Variants in MTUS2 observed in about 807,000 individuals in gnomAD.
The protein encoded by MTUS2 is microtubule-associated tumor suppressor candidate 2.
Under a neutral mutation model 114.1 loss-of-function variants are expected in MTUS2, and 40 were observed. The observed-to-expected ratio is 0.35, with a 90% CI of 0.27 to 0.46. The LOEUF (loss-of-function observed/expected upper bound fraction) is 0.46. MTUS2 is among the 20% of genes least tolerant of loss of function. MTUS2 has a pLI of 1.00. For synonymous variants in MTUS2, 688 were observed against 672.0 expected (o/e 1.02, Z -0.37); for missense variants, 1,679 against 1,705.4 (o/e 0.98, Z 0.27).
chr13:29,450,255 C>T lies in MTUS2; in HGVS notation c.3184+10206C>T, dbSNP rs116736946. 6.8e-3 allele frequency among the ~76,000 whole-genome samples: 1,032 copies of T among 152,124 alleles called. 10 individuals are homozygous for T. Among genetic ancestry groups the T allele is most frequent in the African/African-American group, 0.024 (991 of 41,502 alleles). On this transcript the variant is annotated intron_variant, in intron 9 of 15. Transcript: ENST00000612955. ...AGCTGGAGAAATGTGCTTTTTTTCT[C>T]GTTGGTGACCTTGCCCAGATATTAT...
chr13:28,904,092 C>G (rs2137973144), intron 2 of MTUS2, among the ~76,000 whole-genome samples: 1 of 152,262 alleles, frequency 6.6e-6, no homozygotes, highest in Admixed American at 6.5e-5. Flanking sequence ...CCTTCGCCCA[C>G]TTGTTGATGG....
chr13:29,144,712 A>T (rs1333950712), intron 5 of MTUS2, among the ~76,000 whole-genome samples: 1 of 152,170 alleles, frequency 6.6e-6, no homozygotes, highest in Non-Finnish European at 1.5e-5. Context: ...TAGCAAGATG[A>T]ATCTCTCACT....
chr13:29,269,787 T>C (rs1280395085), intron 5 of MTUS2, among the ~76,000 whole-genome samples: 5 of 152,208 alleles, frequency 3.3e-5, no homozygotes, highest in Non-Finnish European at 7.3e-5. Context: ...CTATTCATAA[T>C]AGTCACGATG....
intron 2 of MTUS2, among the ~76,000 whole-genome samples, chr13:28,936,317 T>C (rs1173027530): frequency 6.6e-6 from 1 of 152,210 alleles, no homozygotes; most frequent in Non-Finnish European, 1.5e-5. Flanking sequence ...CTTTTACAAT[T>C]GTAATATGGA....
At chr13:29,456,494 AG>A (rs1289611442) in intron 9 of MTUS2, among the ~76,000 whole-genome samples, 1 of 152,212 alleles carries the variant, frequency 6.6e-6, no homozygotes, top group Non-Finnish European at 1.5e-5. Context: ...AGCAACCTGA[AG>A]ACCCAAGAAG....
chr13:29,098,447 AAC>A (rs56898077), intron 4 of MTUS2, among the ~76,000 whole-genome samples: 43,596 of 151,260 alleles, frequency 0.29, 6,599 homozygotes, highest in East Asian at 0.59. Context: ...AAGTCATCTA[AAC>A]ACACACACAC....
intron 2 of MTUS2, among the ~76,000 whole-genome samples, chr13:28,884,817 T>G (rs1217442300): frequency 6.6e-6 from 1 of 152,058 alleles, no homozygotes; most frequent in African/African-American, 2.4e-5. Flanking sequence ...CATTTCAAAA[T>G]AACACAAATA....
In MTUS2 at chr13:29,123,861, C is replaced by T. The variant is rs142916770; in HGVS notation, c.2644+22891C>T. Among the ~76,000 whole-genome samples, 843 of 152,310 alleles carry T rather than the reference C, an allele frequency of 5.5e-3. 9 individuals are homozygous for T. The highest frequency in any genetic ancestry group is 0.019 in the African/African-American group (803 of 41,566). The stretch of plus-strand genomic sequence containing the variant: ...ATGGTGGTAGTGTCCCCGGGCCTCC[C>T]GCCTCATTCCCTAGGCTGCCATCCC... On this transcript the variant is annotated intron_variant, in intron 5 of 15. Transcript: ENST00000612955.
chr13:29,504,645 T>G lies in MTUS2; in HGVS notation c.*1439T>G, dbSNP rs1308282383. On this transcript the variant is annotated 3_prime_UTR_variant, in exon 16 of 16. Coordinates refer to ENST00000612955, the MANE Select transcript of MTUS2 (RefSeq NM_001033602.4). The stretch of plus-strand genomic sequence containing the variant: ...AGAATTAGGATATGAACAGTACTCA[T>G]GTAGTGGTGTGGAAGATTAGGAGCA... The G allele has an allele frequency of 4.3e-6, 1 of 232,988 alleles. No homozygotes were observed. The highest frequency in any genetic ancestry group is 8.5e-6 in the Non-Finnish European group (1 of 117,876). 14.4% of individuals were successfully genotyped at this position (232,988 alleles called of 1,614,324 possible).
At chr13:29,006,343 G>T (rs1308773635) in intron 2 of MTUS2, among the ~76,000 whole-genome samples, 1 of 152,190 alleles carries the variant, frequency 6.6e-6, no homozygotes, top group Admixed American at 6.5e-5. Flanking sequence ...AATCAACAAG[G>T]TACATAGCAA....
intron 8 of MTUS2, 60 bp downstream of exon 8, chr13:29,359,533 G>C: frequency 6.5e-7 from 1 of 1,529,704 alleles, no homozygotes; most frequent in Non-Finnish European, 8.9e-7. Flanking sequence ...TGTGGTGATG[G>C]TGACGGTTGT....
At chr13:28,953,370 A>G (rs1882905854) in intron 2 of MTUS2, among the ~76,000 whole-genome samples, 1 of 152,002 alleles carries the variant, frequency 6.6e-6, no homozygotes, top group African/African-American at 2.4e-5. Context: ...TTAGCCGGGC[A>G]TGGTGGTGTG....
chr13:29,467,866 G>C (rs1481805264), intron 9 of MTUS2, among the ~76,000 whole-genome samples: 2 of 152,176 alleles, frequency 1.3e-5, no homozygotes, highest in Non-Finnish European at 2.9e-5. Context: ...TGTAATCCCA[G>C]CACTTTGGGA....
In MTUS2 at chr13:29,026,332, C is replaced by T; in HGVS notation, c.1634C>T (p.Thr545Ile). 1.9e-6 allele frequency: 3 copies of T among 1,613,984 alleles called. No individual in the cohort carries two copies. Among genetic ancestry groups the T allele is most frequent in the Non-Finnish European group, 2.5e-6 (3 of 1,179,888 alleles). Residue 545 changes from threonine to isoleucine, a missense_variant, in exon 3 of 16, where the codon ACC becomes ATC. Thr to Ile is a moderately conservative substitution (Grantham distance 89, BLOSUM62 -1). Transcript: ENST00000612955. ...PLHPETTVNMTYQPTTPSSSF... is the reference protein window; with the variant it reads ...PLHPETTVNMIYQPTTPSSSF... ...CACCCAGAGACAACTGTGAACATGA[C>T]CTACCAGCCTACAACACCCAGTAGC... is the stretch of plus-strand genomic sequence containing the variant.
At chr13:29,198,723 T>C (rs1894808855) in intron 5 of MTUS2, among the ~76,000 whole-genome samples, 1 of 152,220 alleles carries the variant, frequency 6.6e-6, no homozygotes, top group South Asian at 2.1e-4. Flanking sequence ...TTTCCATTTG[T>C]TTGTGTCCTC....
rs140538589 is a variant in MTUS2, at chr13:29,143,669, A to C, written c.2644+42699A>C. Among the ~76,000 whole-genome samples, 787 of 152,336 alleles carry C rather than the reference A, an allele frequency of 5.2e-3. 3 individuals carry two copies. Among genetic ancestry groups the C allele is most frequent in the Admixed American group, 8.5e-3 (130 of 15,300 alleles). Reference sequence around the variant, plus strand: ...TGGGGTGCCTCAGGAATTGGTGCCTAGTATATGAAATATTTAGTTGGAGAA... The same window carrying C: ...TGGGGTGCCTCAGGAATTGGTGCCTCGTATATGAAATATTTAGTTGGAGAA... On this transcript the variant is annotated intron_variant, in intron 5 of 15. Transcript: ENST00000612955.
At chr13:29,238,502 A>G (rs1896617912) in intron 5 of MTUS2, among the ~76,000 whole-genome samples, 1 of 152,230 alleles carries the variant, frequency 6.6e-6, no homozygotes, top group Non-Finnish European at 1.5e-5. Flanking sequence ...TGTAAGTCCA[A>G]CAGTCCTAAA....
chr13:29,103,747 G>A (rs1463016993), intron 5 of MTUS2, among the ~76,000 whole-genome samples: 2 of 152,196 alleles, frequency 1.3e-5, no homozygotes, highest in Non-Finnish European at 2.9e-5. Context: ...TAATCTTACA[G>A]GACCACTGTC....
intron 9 of MTUS2, among the ~76,000 whole-genome samples, chr13:29,478,041 T>G (rs942648433): frequency 1.3e-5 from 2 of 152,194 alleles, no homozygotes; most frequent in Admixed American, 1.3e-4. Flanking sequence ...GAAGAAAACA[T>G]CAGATGCACT....
Sources: gnomAD v4.1 joint callset for allele counts (sites outside exome capture counted in the v4.1 genomes callset) on GRCh38, gnomAD v4.1.1 for gene constraint, MANE v1.5 for transcripts, NCBI Gene and HGNC (gene_info 2026-07-23, HGNC 2026-07-21) for gene names.